Variants in CLVS1 observed in about 807,000 individuals in gnomAD.
The protein encoded by CLVS1 is clavesin 1.
In CLVS1, 10 loss-of-function variants were observed where a neutral mutation model predicts 33.1. That is an observed-to-expected ratio of 0.30 (90% CI 0.19 to 0.51). The LOEUF (loss-of-function observed/expected upper bound fraction) is 0.51. Among genes scored for constraint, CLVS1 ranks in the 20% least tolerant of loss-of-function variants. CLVS1 has a pLI of 0.97. For missense variants in CLVS1, 343 were observed against 433.4 expected (o/e 0.79, Z 1.85); for synonymous variants, 163 against 166.1 (o/e 0.98, Z 0.14).
chr8:61,218,398 G>A (rs1169309854), intron 2 of CLVS1, among the ~76,000 whole-genome samples: 2 of 152,114 alleles, frequency 1.3e-5, no homozygotes, highest in Non-Finnish European at 2.9e-5. Context: ...AATAAGCCAG[G>A]AAGAGAAAGT....
chr8:61,498,147 G>A (rs1804333583), intron 5 of CLVS1, among the ~76,000 whole-genome samples: 1 of 152,186 alleles, frequency 6.6e-6, no homozygotes, highest in South Asian at 2.1e-4. Flanking sequence ...TTAAGATGGA[G>A]TTGCTCTGGT....
the CLVS1 span, among the ~76,000 whole-genome samples, chr8:61,033,161 A>AAGAAAGAAAGAAAGTAAGAAAGAAAAAG: frequency 1.1e-5 from 1 of 92,130 alleles, no homozygotes; most frequent in Non-Finnish European, 2.3e-5. Flanking sequence ...GAAAGAAAGA[A>AAGAAAGAAAGAAAGTAAGAAAGAAAAAG]AAAGAAAGAA....
intron 2 of CLVS1, among the ~76,000 whole-genome samples, chr8:61,345,354 G>A (rs1057351530): frequency 2.0e-5 from 3 of 152,080 alleles, no homozygotes; most frequent in African/African-American, 7.2e-5. Flanking sequence ...CATTCTCAAA[G>A]CAAAGGCTGG....
intron 5 of CLVS1, among the ~76,000 whole-genome samples, chr8:61,478,356 A>C (rs1586032436): frequency 6.6e-6 from 1 of 152,244 alleles, no homozygotes; most frequent in South Asian, 2.1e-4. Flanking sequence ...AGCTGAGTTC[A>C]ATTCCTGGAT....
chr8:61,295,055 T>C (rs529908692), intron 1 of CLVS1, among the ~76,000 whole-genome samples: 2 of 152,336 alleles, frequency 1.3e-5, no homozygotes, highest in Admixed American at 1.3e-4. Flanking sequence ...AAAATACCAT[T>C]ACCTAATTTT....
chr8:61,479,870 T>C (rs1006540089), intron 5 of CLVS1, among the ~76,000 whole-genome samples: 1 of 152,226 alleles, frequency 6.6e-6, no homozygotes, highest in Non-Finnish European at 1.5e-5. Flanking sequence ...TTTGCCTGGG[T>C]ATCAGCAGCG....
intron 5 of CLVS1, among the ~76,000 whole-genome samples, chr8:61,479,475 G>A (rs2129608100): frequency 6.6e-6 from 1 of 152,172 alleles, no homozygotes; most frequent in South Asian, 2.1e-4. Flanking sequence ...ATTCTAGTTA[G>A]CCATTCGTCT....
intron 2 of CLVS1, among the ~76,000 whole-genome samples, chr8:61,244,046 G>A (rs890031785): frequency 2.6e-5 from 4 of 152,032 alleles, no homozygotes; most frequent in African/African-American, 4.8e-5. Context: ...TTCATAGAAC[G>A]CACAGAGTGG....
At chr8:61,128,332 C>T (rs1408884813) in intron 1 of CLVS1, among the ~76,000 whole-genome samples, 2 of 152,212 alleles carry the variant, frequency 1.3e-5, no homozygotes, top group Admixed American at 6.5e-5. Context: ...TTTTCATCAT[C>T]ATTTGGATGC....
chr8:61,434,480 G>C (rs1816239326), intron 3 of CLVS1, among the ~76,000 whole-genome samples: 1 of 152,198 alleles, frequency 6.6e-6, no homozygotes. Context: ...AAGAACATGT[G>C]CCCAAGGTGG....
At chr8:61,002,327 G>GTTTTTTTT in the CLVS1 span, among the ~76,000 whole-genome samples, 1 of 98,818 alleles carries the variant, frequency 1.0e-5, no homozygotes, top group African/African-American at 4.0e-5. Flanking sequence ...ATGCTTGCTT[G>GTTTTTTTT]TTTTTTTTTT....
intron 2 of CLVS1, among the ~76,000 whole-genome samples, chr8:61,273,312 G>C (rs1394000530): frequency 6.6e-6 from 1 of 152,282 alleles, no homozygotes. Flanking sequence ...CGGGGGTCAG[G>C]GTTCAGGGAC....
chr8:61,245,935 T>A (rs1808797042), intron 2 of CLVS1, among the ~76,000 whole-genome samples: 1 of 146,682 alleles, frequency 6.8e-6, no homozygotes. Context: ...ACCCAGTTAA[T>A]TAAAAAAAAA....
chr8:61,427,011 T>A (rs1173068679), intron 3 of CLVS1, among the ~76,000 whole-genome samples: 1 of 152,226 alleles, frequency 6.6e-6, no homozygotes, highest in Non-Finnish European at 1.5e-5. Context: ...GTGCTAATTA[T>A]GTAAACCAGA....
intron 2 of CLVS1, among the ~76,000 whole-genome samples, chr8:61,273,675 G>A (rs1412031092): frequency 6.6e-6 from 1 of 152,256 alleles, no homozygotes; most frequent in Non-Finnish European, 1.5e-5. Flanking sequence ...CGAGCCAGGT[G>A]TGGGATATAA....
intron 1 of CLVS1, among the ~76,000 whole-genome samples, chr8:61,068,030 TA>T (rs1804714575): frequency 6.6e-6 from 1 of 150,624 alleles, no homozygotes; most frequent in Non-Finnish European, 1.5e-5. Context: ...TAAAAAATTT[TA>T]AAAAAAATTA....
chr8:61,174,046 C>T (rs563381715), intron 2 of CLVS1, among the ~76,000 whole-genome samples: 3 of 152,254 alleles, frequency 2.0e-5, no homozygotes, highest in African/African-American at 7.2e-5. Flanking sequence ...CTAGTCCTGT[C>T]TGACAAATAT....
In CLVS1 at chr8:61,311,592, T is replaced by C. The variant is rs145187932; in HGVS notation, c.455+11310T>C. ...GTCAGCCATTACAGGGCTCCGAAAATGTCGTTACAAAGGCAGTGTGGGCTT... is the reference window on the plus strand; with the variant it reads ...GTCAGCCATTACAGGGCTCCGAAAACGTCGTTACAAAGGCAGTGTGGGCTT... On this transcript the variant is annotated intron_variant, in intron 2 of 5. Coordinates refer to ENST00000325897, the MANE Select transcript of CLVS1 (RefSeq NM_173519.3). Among the ~76,000 whole-genome samples the C allele has an allele frequency of 3.8e-3, 580 of 152,174 alleles. 1 individual carries two copies. Among genetic ancestry groups the C allele is most frequent in the Non-Finnish European group, 6.0e-3 (409 of 68,000 alleles).
chr8:61,054,683 G>C (rs931486427), upstream of CLVS1, among the ~76,000 whole-genome samples: 3 of 151,954 alleles, frequency 2.0e-5, no homozygotes, highest in African/African-American at 7.3e-5. Context: ...GTGTTAAAAA[G>C]GAAAGTACTT....
Sources: allele counts gnomAD v4.1 joint callset (sites outside exome capture counted in the v4.1 genomes callset), GRCh38; gene constraint gnomAD v4.1.1; transcripts MANE v1.5; gene names NCBI Gene and HGNC (gene_info 2026-07-23, HGNC 2026-07-21).